NTNG1: variants seen among roughly 807,000 people sequenced by gnomAD.
NTNG1 encodes netrin G1.
NTNG1 carries 16 observed loss-of-function variants against 54.0 expected under a neutral mutation model. The ratio of observed to expected loss-of-function variants is 0.30; its 90% CI spans 0.20 to 0.45. NTNG1 has a LOEUF of 0.45. NTNG1 is among the 20% of genes least tolerant of loss of function. The probability of loss-of-function intolerance (pLI) is 1.00; values close to 1 mark genes in which losing one functional copy is unlikely to be tolerated. For synonymous variants in NTNG1, 255 were observed against 263.1 expected (o/e 0.97, Z 0.30); for missense variants, 530 against 678.7 (o/e 0.78, Z 2.43).
At chr1:107,407,630 A>C in intron 4 of NTNG1, 52 bp from the exon 5 acceptor site, 9 of 1,395,308 alleles carry the variant, frequency 6.5e-6, no homozygotes, top group Non-Finnish European at 8.0e-6. Flanking sequence ...TAAAGATGTT[A>C]TGTACTAATA....
chr1:107,478,005 G>A (rs1367937795), intron 7 of NTNG1, among the ~76,000 whole-genome samples: 1 of 152,178 alleles, frequency 6.6e-6, no homozygotes, highest in African/African-American at 2.4e-5. Flanking sequence ...TCTTTGCGGG[G>A]TTAAGTGCAA....
chr1:107,177,836 CA>C (rs1436796170), intron 2 of NTNG1, among the ~76,000 whole-genome samples: 1 of 152,022 alleles, frequency 6.6e-6, no homozygotes, highest in Non-Finnish European at 1.5e-5. Flanking sequence ...TGATTGTATT[CA>C]TGTATGTTGA....
chr1:107,200,683 C>T (rs1231268688), intron 2 of NTNG1, among the ~76,000 whole-genome samples: 2 of 151,822 alleles, frequency 1.3e-5, no homozygotes, highest in African/African-American at 4.8e-5. Context: ...ATATAGTTCT[C>T]TCATTTTCAC....
At chr1:107,156,971 C>T (rs147828463) in intron 2 of NTNG1, among the ~76,000 whole-genome samples, 27 of 152,196 alleles carry the variant, frequency 1.8e-4, no homozygotes, top group Non-Finnish European at 3.5e-4. Flanking sequence ...TGCTTTAAAT[C>T]GATCCACAGT....
At chr1:107,461,217 C>T (rs1303359234) in intron 7 of NTNG1, among the ~76,000 whole-genome samples, 1 of 152,186 alleles carries the variant, frequency 6.6e-6, no homozygotes, top group African/African-American at 2.4e-5. Flanking sequence ...AAGAAATAAA[C>T]AGTGGGCAAA....
In NTNG1 at chr1:107,148,214, G is replaced by A. The variant is rs192221657; in HGVS notation, c.-380G>A. The A allele has an allele frequency of 3.1e-4, 56 of 179,468 alleles. No homozygotes were observed. Among genetic ancestry groups the A allele is most frequent in the African/African-American group, 1.2e-3 (50 of 41,998 alleles). 11.1% of individuals were successfully genotyped at this position (179,468 alleles called of 1,614,324 possible). A position where few individuals can be genotyped will look rare whatever the true frequency, so the allele number is the denominator to read the frequency against. On this transcript the variant is annotated 5_prime_UTR_variant, in exon 2 of 8. Coordinates refer to ENST00000370068, the MANE Select transcript of NTNG1 (RefSeq NM_001113226.3). ...ACATTGAGGATCACTCAGGGTTATC[G>A]GATGTACAACGGGAGAGCCATCGCT...
intron 2 of NTNG1, among the ~76,000 whole-genome samples, chr1:107,201,596 T>C (rs1329214118): frequency 6.6e-6 from 1 of 151,870 alleles, no homozygotes; most frequent in Non-Finnish European, 1.5e-5. Context: ...CTTGATCACA[T>C]ATTGTAGATG....
intron 2 of NTNG1, among the ~76,000 whole-genome samples, chr1:107,204,256 A>C (rs985128454): frequency 1.3e-5 from 2 of 152,072 alleles, no homozygotes; most frequent in Non-Finnish European, 1.5e-5. Flanking sequence ...AGATTAGTTG[A>C]TGCTATTTCC....
intron 2 of NTNG1, among the ~76,000 whole-genome samples, chr1:107,196,787 GATAAA>G (rs1460354899): frequency 1.3e-5 from 2 of 151,884 alleles, no homozygotes; most frequent in Admixed American, 6.6e-5. Context: ...TTAAATTTTA[GATAAA>G]ATAAAGATAA....
rs572979560 is a variant in NTNG1 at position 107,153,120 on chromosome 1, T to C, written c.246+4281T>C. 1.0e-3 allele frequency among the ~76,000 whole-genome samples: 158 copies of C among 152,350 alleles called. 1 individual carries two copies. Among genetic ancestry groups the C allele is most frequent in the African/African-American group, 3.6e-3 (148 of 41,592 alleles). On this transcript the variant is annotated intron_variant, in intron 2 of 7. Coordinates refer to ENST00000370068, the MANE Select transcript of NTNG1 (RefSeq NM_001113226.3). ...ATTGTGGATAGAGCATATTTCATTA[T>C]GTTCAAATGGAATTTACGGAAGTGG...
chr1:107,279,978 C>A (rs1048238263), intron 2 of NTNG1, among the ~76,000 whole-genome samples: 1 of 151,238 alleles, frequency 6.6e-6, no homozygotes, highest in Non-Finnish European at 1.5e-5. Flanking sequence ...TGGCTTTTGG[C>A]CTCCAGTGTT....
At chr1:107,420,229 TATC>T (rs1674487977) in intron 5 of NTNG1, among the ~76,000 whole-genome samples, 1 of 152,042 alleles carries the variant, frequency 6.6e-6, no homozygotes, top group Non-Finnish European at 1.5e-5. Context: ...CTTTCAGAAA[TATC>T]ATTATGTAAT....
Position 107,436,670 on chromosome 1 carries a change from T to C in NTNG1, c.1261T>C (p.Tyr421His). ...GTGTTGTCTTGTTTCTACAGAGTGTTATTGTAACCCTTTGGGCTCAATCCA... is the reference window on the plus strand; with the variant it reads ...GTGTTGTCTTGTTTCTACAGAGTGTCATTGTAACCCTTTGGGCTCAATCCA... ...LDDENVCIEC[Y>H]CNPLGSIHDR... Residue 421 changes from tyrosine to histidine, a missense_variant, in exon 7 of 8, where the codon TAT (tyrosine) becomes CAT (histidine). This residue lies in a region of NTNG1 where 212 missense variants were observed against 213.6 expected (regional missense o/e 0.99). Coordinates refer to ENST00000370068, the MANE Select transcript of NTNG1 (RefSeq NM_001113226.3). 6.2e-7 allele frequency: 1 copy of C among 1,613,282 alleles called. No individual in the cohort carries two copies. Among genetic ancestry groups the C allele is most frequent in the Non-Finnish European group, 8.5e-7 (1 of 1,179,480 alleles).
In NTNG1 at chr1:107,383,218, C is replaced by T. The variant is rs181979047; in HGVS notation, c.888-11936C>T. Reference sequence around the variant, plus strand: ...AGATATCAAAACCTTACCTGATAATCTAGCCTGATAGAAGAGGGCTATGGA... The same window carrying T: ...AGATATCAAAACCTTACCTGATAATTTAGCCTGATAGAAGAGGGCTATGGA... On this transcript the variant is annotated intron_variant, in intron 3 of 7. Transcript: ENST00000370068. Among the ~76,000 whole-genome samples, 375 of 152,272 alleles carry T rather than the reference C, an allele frequency of 2.5e-3. 3 individuals carry two copies. The highest frequency in any genetic ancestry group is 3.7e-3 in the Admixed American group (57 of 15,300).
chr1:107,166,404 T>C (rs1258988751), intron 2 of NTNG1, among the ~76,000 whole-genome samples: 3 of 152,172 alleles, frequency 2.0e-5, no homozygotes, highest in Non-Finnish European at 2.9e-5. Context: ...TATACTACCA[T>C]CGTTTCTTAT....
chr1:107,349,278 T>C (rs1428725535), intron 3 of NTNG1, among the ~76,000 whole-genome samples: 2 of 152,180 alleles, frequency 1.3e-5, no homozygotes, highest in Non-Finnish European at 2.9e-5. Flanking sequence ...CTGATTATAT[T>C]ACCCTGTTGT....
At chr1:107,318,280 C>G (rs1408854685) in intron 2 of NTNG1, among the ~76,000 whole-genome samples, 1 of 152,082 alleles carries the variant, frequency 6.6e-6, no homozygotes, top group African/African-American at 2.4e-5. Flanking sequence ...TGTTACCCAC[C>G]CACTAGTCAG....
At chr1:107,238,794 CTT>C (rs36116718) in intron 2 of NTNG1, among the ~76,000 whole-genome samples, 1 of 146,914 alleles carries the variant, frequency 6.8e-6, no homozygotes, top group African/African-American at 2.5e-5. Context: ...CAATTAAACA[CTT>C]TTTTTTTTTT....
chr1:107,176,461 A>C (rs1446684375), intron 2 of NTNG1, among the ~76,000 whole-genome samples: 1 of 152,188 alleles, frequency 6.6e-6, no homozygotes, highest in Non-Finnish European at 1.5e-5. Context: ...TCAAGTAAGG[A>C]ATTCAAGGGT....
Sources: allele counts gnomAD v4.1 joint callset (sites outside exome capture counted in the v4.1 genomes callset), GRCh38; gene constraint gnomAD v4.1.1; regional missense constraint gnomAD v4.1.1; transcripts MANE v1.5; gene names NCBI Gene and HGNC (gene_info 2026-07-23, HGNC 2026-07-21).